ZNF484: variants seen among roughly 807,000 people sequenced by gnomAD.
ZNF484 encodes the protein KRAB box containing C2H2 type zinc finger bA526D8.4.
In ZNF484, 11 loss-of-function variants were observed where a neutral mutation model predicts 12.9. The ratio of observed to expected loss-of-function variants is 0.85; its 90% CI spans 0.54 to 1.41. The LOEUF (loss-of-function observed/expected upper bound fraction) is 1.41, where lower values mean the gene tolerates loss of function less well. Among genes scored for constraint, ZNF484 ranks in the 40% most tolerant of loss-of-function variants. The pLI is 0.00. For missense variants in ZNF484, 807 were observed against 1,007.7 expected (o/e 0.80, Z 2.70); for synonymous variants, 289 against 334.1 (o/e 0.86, Z 1.47).
Position 92,848,190 on chromosome 9 carries a change from T to C in ZNF484, c.597A>G (p.Glu199=), listed in dbSNP as rs1163391898. The C allele has an allele frequency of 1.2e-6, 2 of 1,614,116 alleles. No homozygotes were observed. The highest frequency in any genetic ancestry group is 2.2e-5 in the South Asian group (2 of 91,068). Residue 199 remains glutamate (E), a synonymous_variant, in exon 5 of 5, where the codon GAA becomes GAG. Transcript: ENST00000375495. The surrounding 1 kb of genome is among the most constrained non-coding windows in gnomAD (Gnocchi z 4.1). The part of the protein sequence containing the change: ...ITLYNRNNAT[E]NSDKTIGDGD... Reference sequence around the variant, plus strand: ...CATCTCCAATAGTCTTATCAGAATTTTCTGTTGCATTGTTTCTATTATATA... The same window carrying C: ...CATCTCCAATAGTCTTATCAGAATTCTCTGTTGCATTGTTTCTATTATATA...
chr9:92,847,046 C>T lies in ZNF484; in HGVS notation c.1741G>A (p.Val581Ile). Residue 581 changes from valine to isoleucine, a missense_variant, in exon 5 of 5, where the codon GTT (valine) becomes ATT (isoleucine). Val to Ile is a conservative substitution (Grantham distance 29, BLOSUM62 3). Transcript: ENST00000375495. ...AAGGCCTTACCACATTCAGTGCAAA[C>T]ATATGGTTTTTCCCCTCTATGAATT... Reference protein sequence around the residue: ...QRIHRGEKPYVCTECGKAFFH... With the variant: ...QRIHRGEKPYICTECGKAFFH... The T allele has an allele frequency of 8.7e-6, 14 of 1,613,800 alleles. No homozygotes were observed. Among genetic ancestry groups the T allele is most frequent in the Non-Finnish European group, 1.1e-5 (13 of 1,179,944 alleles).
intron 2 of ZNF484, among the ~76,000 whole-genome samples, chr9:92,872,878 G>A (rs753018417): frequency 2.6e-5 from 4 of 151,876 alleles, no homozygotes; most frequent in Admixed American, 6.6e-5. Context: ...AACTTTGGAG[G>A]CCAGAAGGAA....
At position 92,875,195 on chromosome 9, in the gene ZNF484, C is replaced by A. The variant is rs1423137280; in HGVS notation, c.-30-136G>T. ...TGGAACTACCACATTAAAATATCAT[C>A]CCATCCCATATTGTACAAAGATTTA... On this transcript the variant is annotated intron_variant, in intron 1 of 4. Coordinates refer to ENST00000375495, the MANE Select transcript of ZNF484 (RefSeq NM_031486.4). 2.6e-5 allele frequency: 17 copies of A among 644,662 alleles called. No homozygotes were observed. In the East Asian group the frequency reaches 3.9e-4, roughly 15 times the overall value. The allele number at this position is 644,662 out of a possible 1,614,324, so 39.9% of individuals were successfully genotyped here.
Position 92,847,107 on chromosome 9 carries a change from T to C in ZNF484, c.1680A>G (p.Ala560=), listed in dbSNP as rs1205889036. ...TACTTAATGTTGACTTCTGAATGAATGCTTTCCCACATTCACTGCATTCAT... is the reference window on the plus strand; with the variant it reads ...TACTTAATGTTGACTTCTGAATGAACGCTTTCCCACATTCACTGCATTCAT... ...RHYECSECGK[A]FIQKSTLSMH... Residue 560 remains alanine (A), a synonymous_variant, in exon 5 of 5, where the codon GCA becomes GCG. Coordinates refer to ENST00000375495, the MANE Select transcript of ZNF484 (RefSeq NM_031486.4). 6.2e-7 allele frequency: 1 copy of C among 1,612,846 alleles called. No individual in the cohort carries two copies. Among genetic ancestry groups the C allele is most frequent in the African/African-American group, 1.3e-5 (1 of 74,612 alleles).
At chr9:92,875,612 C>A (rs1359581287) in intron 1 of ZNF484, among the ~76,000 whole-genome samples, 1 of 152,214 alleles carries the variant, frequency 6.6e-6, no homozygotes, top group Non-Finnish European at 1.5e-5. Context: ...AATCCCACAT[C>A]CCCATGACTG....
At chr9:92,872,917 A>T (rs187438001) in intron 2 of ZNF484, among the ~76,000 whole-genome samples, 1 of 152,326 alleles carries the variant, frequency 6.6e-6, no homozygotes, top group East Asian at 1.9e-4. Flanking sequence ...GCTAAAAAAA[A>T]AAACAAAAGA....
Position 92,847,095 on chromosome 9 carries a change from CT to C in ZNF484, c.1691del (p.Lys564SerfsTer4). The C allele has an allele frequency of 6.2e-7, 1 of 1,613,344 alleles. No individual in the cohort carries two copies. The highest frequency in any genetic ancestry group is 8.5e-7 in the Non-Finnish European group (1 of 1,179,808). On this transcript the variant is annotated frameshift_variant, in exon 5 of 5. Coordinates refer to ENST00000375495, the MANE Select transcript of ZNF484 (RefSeq NM_031486.4). LOFTEE classifies it low-confidence loss of function (END_TRUNC). ...TTCTCTGGTGCATACTTAATGTTGA[CT>C]TCTGAATGAATGCTTTCCCACATTC... ...CSECGKAFIQ[K>X]STLSMHQRIH...
rs1476560160 is a variant in ZNF484, at chr9:92,857,629, G to A, written c.16-1311C>T. ...TTCTCAGGAGCCAGGGTGATCCAGA[G>A]GTAAAGTGAGTCTTAGCAGAGCTTC... On this transcript the variant is annotated intron_variant, in intron 2 of 4. Coordinates refer to ENST00000375495, the MANE Select transcript of ZNF484 (RefSeq NM_031486.4). Among the ~76,000 whole-genome samples the A allele has an allele frequency of 2.6e-5, 4 of 152,180 alleles. No homozygotes were observed. The East Asian group carries it at 7.7e-4, about 29-fold the overall frequency.
At chr9:92,855,565 A>G (rs1856383573) in intron 4 of ZNF484, among the ~76,000 whole-genome samples, 1 of 152,168 alleles carries the variant, frequency 6.6e-6, no homozygotes, top group South Asian at 2.1e-4. Context: ...GATCCAAAGA[A>G]CCAGTAATTG....
Position 92,855,877 on chromosome 9 carries a change from T to C in ZNF484, c.169A>G (p.Ile57Val), listed in dbSNP as rs370250224. Residue 57 changes from isoleucine to valine, a missense_variant, in exon 4 of 5, where the codon ATC becomes GTC. Physicochemically the swap from Ile to Val is conservative, Grantham distance 29 (BLOSUM62 3). Transcript: ENST00000375495. Reference protein sequence around the residue: ...VGCQVPKPEVIFSLEQEEPCM... With the variant: ...VGCQVPKPEVVFSLEQEEPCM... ...GGCTCTTCTTGTTCCAAGCTGAAGA[T>C]GACTTCTGGTTTGGGAACTTGACAT... The C allele has an allele frequency of 9.3e-6, 15 of 1,614,178 alleles. No homozygotes were observed. The highest frequency in any genetic ancestry group is 2.2e-5 in the East Asian group (1 of 44,884).
chr9:92,846,681 T>C lies in ZNF484; in HGVS notation c.2106A>G (p.Ala702=), dbSNP rs776788673. The C allele has an allele frequency of 8.7e-6, 14 of 1,613,910 alleles. No homozygotes were observed. In the East Asian group the frequency reaches 2.9e-4, roughly 33 times the overall value. The change falls in exon 5 of 5, where the codon GCA becomes GCG. Residue 702 remains alanine, a synonymous_variant. Transcript: ENST00000375495. ...GATGCATAATTAGTGTTGATTTTCT[T>C]GCAAAGGCTTTCCCACATTCACTGC... ...YECSECGKAF[A]RKSTLIMHQR...
In ZNF484 at chr9:92,850,156, G is replaced by A. The variant is rs184179289; in HGVS notation, c.236-1605C>T. 1.5e-3 allele frequency among the ~76,000 whole-genome samples: 229 copies of A among 152,314 alleles called. 1 individual carries two copies. Among genetic ancestry groups the A allele is most frequent in the African/African-American group, 5.2e-3 (216 of 41,568 alleles). ...AAGCACTTTATTGTAACCCTTTGCT[G>A]TTGGTATTATTATTGTTTCTAGTTT... is the stretch of plus-strand genomic sequence containing the variant. On this transcript the variant is annotated intron_variant, in intron 4 of 4. Transcript: ENST00000375495.
At chr9:92,864,408 G>A (rs1856948403) in intron 2 of ZNF484, among the ~76,000 whole-genome samples, 1 of 151,810 alleles carries the variant, frequency 6.6e-6, no homozygotes, top group African/African-American at 2.4e-5. Flanking sequence ...ACGTGAGGTT[G>A]AAAATCACAA....
In ZNF484 at chr9:92,844,543, A is replaced by C. The variant is rs191481698; in HGVS notation, c.*1685T>G. Reference sequence around the variant, plus strand: ...AATGTGCAACAGTTAAAAAACAAAGACAAATAGATAAATTTCAAAGGAGAC... The same window carrying C: ...AATGTGCAACAGTTAAAAAACAAAGCCAAATAGATAAATTTCAAAGGAGAC... On this transcript the variant is annotated 3_prime_UTR_variant, in exon 5 of 5. Coordinates refer to ENST00000375495, the MANE Select transcript of ZNF484 (RefSeq NM_031486.4). Among the ~76,000 whole-genome samples, 8 of 152,158 alleles carry C rather than the reference A, an allele frequency of 5.3e-5. No individual in the cohort carries two copies. Among genetic ancestry groups the C allele is most frequent in the African/African-American group, 1.9e-4 (8 of 41,404 alleles).
At chr9:92,862,596 A>C (rs1856841600) in intron 2 of ZNF484, among the ~76,000 whole-genome samples, 1 of 148,234 alleles carries the variant, frequency 6.7e-6, no homozygotes, top group Admixed American at 6.9e-5. Context: ...ATTAGTCTGC[A>C]TAATGAGAAG....
Position 92,847,694 on chromosome 9 carries a change from G to A in ZNF484, c.1093C>T (p.Leu365Phe), listed in dbSNP as rs868627248. Reference sequence around the variant, plus strand: ...ATATTAAGGTTTGAATTCTGAGGGAGGTTTTTCTCACATTCACTGTACTCA... The same window carrying A: ...ATATTAAGGTTTGAATTCTGAGGGAAGTTTTTCTCACATTCACTGTACTCA... The part of the protein sequence containing the change: ...PYEYSECEKN[L>F]PQNSNLNIHK... The change falls in exon 5 of 5, where the codon CTC (leucine) becomes TTC (phenylalanine). Residue 365 changes from leucine (L) to phenylalanine (F), a missense_variant. By Grantham distance (22) the Leu-to-Phe change is conservative. Coordinates refer to ENST00000375495, the MANE Select transcript of ZNF484 (RefSeq NM_031486.4). The A allele has an allele frequency of 6.2e-7, 1 of 1,613,324 alleles. No individual in the cohort carries two copies. The highest frequency in any genetic ancestry group is 8.5e-7 in the Non-Finnish European group (1 of 1,179,982).
At chr9:92,854,827 A>G (rs1856340041) in intron 4 of ZNF484, among the ~76,000 whole-genome samples, 1 of 152,198 alleles carries the variant, frequency 6.6e-6, no homozygotes, top group Non-Finnish European at 1.5e-5. Flanking sequence ...AATGGGGTAT[A>G]TATGTGCACT....
chr9:92,860,562 C>T (rs1467792408), intron 2 of ZNF484, among the ~76,000 whole-genome samples: 1 of 149,006 alleles, frequency 6.7e-6, no homozygotes, highest in Non-Finnish European at 1.5e-5. Flanking sequence ...TGAGATCACA[C>T]CAGTGCACTC....
intron 4 of ZNF484, among the ~76,000 whole-genome samples, chr9:92,849,451 T>G (rs1855925350): frequency 6.6e-6 from 1 of 151,882 alleles, no homozygotes; most frequent in Admixed American, 6.6e-5. Context: ...ATAAACAATA[T>G]CATTTAGATG....
Sources: gnomAD v4.1 joint callset for allele counts (sites outside exome capture counted in the v4.1 genomes callset) on GRCh38, gnomAD v4.1.1 for gene constraint, Gnocchi (gnomAD v3.1) non-coding constraint, MANE v1.5 for transcripts, NCBI Gene and HGNC (gene_info 2026-07-23, HGNC 2026-07-21) for gene names.